KCNAB1: variants seen among roughly 807,000 people sequenced by gnomAD.
KCNAB1 encodes the protein voltage-gated potassium channel subunit beta-1.
In KCNAB1, 35 loss-of-function variants were observed where a neutral mutation model predicts 64.6. The ratio of observed to expected loss-of-function variants is 0.54; its 90% confidence interval spans 0.41 to 0.72. The LOEUF is 0.72. Among genes scored for constraint, KCNAB1 ranks in the 30% least tolerant of loss-of-function variants. The pLI is 0.00. For missense variants in KCNAB1, 401 were observed against 512.9 expected (o/e 0.78, Z 2.11); for synonymous variants, 177 against 183.8 (o/e 0.96, Z 0.30).
chr3:156,263,008 A>G (rs1000898659), intron 1 of KCNAB1, among the ~76,000 whole-genome samples: 1 of 151,560 alleles, frequency 6.6e-6, no homozygotes, highest in Non-Finnish European at 1.5e-5. Flanking sequence ...CCCCCTTTTA[A>G]TTTCTGATTT....
chr3:156,354,047 A>ATATATGTGTGTGTGTG (rs1553851297), intron 1 of KCNAB1, among the ~76,000 whole-genome samples: 1 of 137,566 alleles, frequency 7.3e-6, no homozygotes, highest in African/African-American at 2.7e-5. Context: ...GTGTATATAT[A>ATATATGTGTGTGTGTG]TGTGTGTGTG....
intron 1 of KCNAB1, among the ~76,000 whole-genome samples, chr3:156,390,453 T>C (rs1712947055): frequency 6.6e-6 from 1 of 152,238 alleles, no homozygotes; most frequent in African/African-American, 2.4e-5. Flanking sequence ...TTGATTAGTT[T>C]AGAGTCTTAA....
chr3:156,519,593 A>G (rs1717798379), intron 11 of KCNAB1, among the ~76,000 whole-genome samples: 1 of 152,184 alleles, frequency 6.6e-6, no homozygotes, highest in African/African-American at 2.4e-5. Context: ...GCGAGTAACA[A>G]AATCTGATCA....
intron 1 of KCNAB1, among the ~76,000 whole-genome samples, chr3:156,249,019 T>A (rs2108461084): frequency 7.5e-6 from 1 of 134,096 alleles, no homozygotes; most frequent in East Asian, 2.4e-4. Flanking sequence ...TCGATAGAAA[T>A]CTGGTTGTGT....
At position 156,507,215 on chromosome 3, in the gene KCNAB1, T is replaced by C. The variant is rs529316837; in HGVS notation, c.659-7149T>C. Among the ~76,000 whole-genome samples the C allele has an allele frequency of 3.9e-5, 6 of 152,330 alleles. No individual in the cohort carries two copies. In the East Asian group the frequency reaches 9.6e-4, roughly 24 times the overall value. On this transcript the variant is annotated intron_variant, in intron 8 of 13. Transcript: ENST00000490337. ...AGGTTCTTCCTCAACAAAATGGGAT[T>C]CAAATATTCCCACCTAAACAGTTAC...
At chr3:156,489,127 C>A (rs1379772889) in intron 8 of KCNAB1, among the ~76,000 whole-genome samples, 1 of 152,030 alleles carries the variant, frequency 6.6e-6, no homozygotes, top group African/African-American at 2.4e-5. Flanking sequence ...AGCTGAAACT[C>A]CATCTTGGGA....
At position 156,536,719 on chromosome 3, in the gene KCNAB1, C is replaced by T. The variant is rs1357989148; in HGVS notation, c.1232C>T (p.Pro411Leu). The T allele has an allele frequency of 6.2e-7, 1 of 1,612,550 alleles. No individual in the cohort carries two copies. Among genetic ancestry groups the T allele is most frequent in the South Asian group, 1.1e-5 (1 of 91,026 alleles). Residue 411 changes from proline (P) to leucine (L), a missense_variant, in exon 14 of 14, where the codon CCC (proline) becomes CTC (leucine). By Grantham distance (98) the Pro-to-Leu change is moderately conservative. Transcript: ENST00000490337. ...ATTGATAACATACTGCGCAACAAGC[C>T]CTACAGCAAGAAGGACTATAGATCA... ...NEIDNILRNK[P>L]YSKKDYRS
intron 1 of KCNAB1, among the ~76,000 whole-genome samples, chr3:156,373,311 A>G (rs772578973): frequency 1.3e-5 from 2 of 152,226 alleles, no homozygotes; most frequent in Non-Finnish European, 2.9e-5. Flanking sequence ...AAATTTCCTG[A>G]GACCAGGGTA....
chr3:156,165,456 G>T (rs1458220706), intron 1 of KCNAB1, among the ~76,000 whole-genome samples: 3 of 152,138 alleles, frequency 2.0e-5, no homozygotes, highest in African/African-American at 7.2e-5. Context: ...CAAAGGTCTT[G>T]CTCTGTGCTC....
At chr3:156,465,256 G>C (rs1713274869) in intron 6 of KCNAB1, among the ~76,000 whole-genome samples, 1 of 152,162 alleles carries the variant, frequency 6.6e-6, no homozygotes, top group South Asian at 2.1e-4. Context: ...TAACAAAAAA[G>C]TTCAGCAGCC....
intron 8 of KCNAB1, among the ~76,000 whole-genome samples, chr3:156,509,854 A>C (rs6772323): frequency 0.42 from 64,621 of 152,056 alleles, 14,358 homozygotes; most frequent in African/African-American, 0.56. Context: ...TGCACTTAAC[A>C]GTATCTAGAA....
chr3:156,118,919 T>A (rs188547783), upstream of KCNAB1, among the ~76,000 whole-genome samples: 10 of 152,346 alleles, frequency 6.6e-5, no homozygotes, highest in South Asian at 1.9e-3. Flanking sequence ...AAGAGAGTAG[T>A]TGAAGAGGCT....
intron 1 of KCNAB1, among the ~76,000 whole-genome samples, chr3:156,254,889 A>G (rs1231544579): frequency 6.6e-6 from 1 of 152,250 alleles, no homozygotes; most frequent in Non-Finnish European, 1.5e-5. Flanking sequence ...TATACCGTAT[A>G]AAGCAGGCAG....
chr3:156,442,367 T>A (rs1388088005), intron 2 of KCNAB1, among the ~76,000 whole-genome samples: 2 of 152,208 alleles, frequency 1.3e-5, no homozygotes, highest in Non-Finnish European at 2.9e-5. Flanking sequence ...CCGTTCATCC[T>A]ATTTCCAATG....
chr3:156,448,140 T>C (rs1711724069), intron 2 of KCNAB1, among the ~76,000 whole-genome samples: 1 of 152,242 alleles, frequency 6.6e-6, no homozygotes, highest in African/African-American at 2.4e-5. Context: ...TAAAGGGGTT[T>C]AATCAGAAGA....
intron 1 of KCNAB1, among the ~76,000 whole-genome samples, chr3:156,309,745 G>A (rs1458103891): frequency 1.3e-5 from 2 of 152,226 alleles, no homozygotes; most frequent in African/African-American, 4.8e-5. Context: ...AAGGAGTGGT[G>A]TAAAGGCTGG....
chr3:156,321,526 G>T (rs1268320864), intron 1 of KCNAB1, among the ~76,000 whole-genome samples: 2 of 152,338 alleles, frequency 1.3e-5, no homozygotes, highest in Non-Finnish European at 2.9e-5. Flanking sequence ...TCTCAGCTGC[G>T]ATACTAGGCT....
chr3:156,341,867 G>A (rs1724137963), intron 1 of KCNAB1, among the ~76,000 whole-genome samples: 1 of 151,970 alleles, frequency 6.6e-6, no homozygotes, highest in Non-Finnish European at 1.5e-5. Flanking sequence ...ATTTCACCCT[G>A]TGACCTTTTA....
intron 1 of KCNAB1, among the ~76,000 whole-genome samples, chr3:156,244,963 C>T (rs576598637): frequency 3.3e-5 from 5 of 152,316 alleles, no homozygotes; most frequent in African/African-American, 7.2e-5. Flanking sequence ...CCTCTGGCCA[C>T]GTACAGAAGA....
Sources: gnomAD v4.1 joint callset for allele counts (sites outside exome capture counted in the v4.1 genomes callset) on GRCh38, gnomAD v4.1.1 for gene constraint, MANE v1.5 for transcripts, NCBI Gene and HGNC (gene_info 2026-07-23, HGNC 2026-07-21) for gene names.